The following SGCD variants were observed in gnomAD, a reference collection of about 807,000 sequenced individuals.
SGCD encodes the protein delta-sarcoglycan.
In SGCD, 18 loss-of-function variants were observed where a neutral mutation model predicts 36.6. The ratio of observed to expected loss-of-function variants is 0.49; its 90% CI spans 0.34 to 0.73. The LOEUF (loss-of-function observed/expected upper bound fraction) is 0.73, where lower values mean the gene tolerates loss of function less well. Among genes scored for constraint, SGCD ranks in the 30% least tolerant of loss-of-function variants. SGCD has a pLI of 0.01. For missense variants in SGCD, 387 were observed against 346.7 expected (o/e 1.12, Z -0.92); for synonymous variants, 133 against 130.6 (o/e 1.02, Z -0.12).
At chr5:156,107,470 T>G (rs1254969507) in intron 1 of SGCD, among the ~76,000 whole-genome samples, 1 of 152,176 alleles carries the variant, frequency 6.6e-6, no homozygotes, top group Non-Finnish European at 1.5e-5. Context: ...TCTGTTCCAA[T>G]TCAATAATTC....
the SGCD span, among the ~76,000 whole-genome samples, chr5:155,730,203 A>T: frequency 6.6e-6 from 1 of 151,970 alleles, no homozygotes; most frequent in African/African-American, 2.4e-5. Context: ...TTTCACCTGA[A>T]CTCACCTTTC....
chr5:156,590,982 G>T (rs968848137), intron 5 of SGCD, among the ~76,000 whole-genome samples: 1 of 151,352 alleles, frequency 6.6e-6, no homozygotes. Flanking sequence ...TTTGGTATTT[G>T]TTTTCTGTCT....
intron 3 of SGCD, among the ~76,000 whole-genome samples, chr5:156,423,300 A>ATATATTTTAT: frequency 1.0e-4 from 1 of 9,922 alleles, no homozygotes; most frequent in East Asian, 3.8e-3. Flanking sequence ...TTATAATATA[A>ATATATTTTAT]TATATTTTAT....
Position 155,942,360 on chromosome 5 carries a change from A to ATCTATCTG in SGCD, c.-282+71941_-282+71942insCTGTCTAT, listed in dbSNP as rs1159223438. On this transcript the variant is annotated intron_variant, in intron 1 of 9. Coordinates refer to the SGCD transcript ENST00000517913. ...TATCTATCTATCTATCTATCTATCT[A>ATCTATCTG]TCTATTGTCTGCCTACCTACCTAAT... is the stretch of plus-strand genomic sequence containing the variant. Among the ~76,000 whole-genome samples the ATCTATCTG allele has an allele frequency of 4.6e-5, 7 of 151,782 alleles. No homozygotes were observed. The East Asian group carries it at 1.3e-3, about 29-fold the overall frequency.
intron 3 of SGCD, among the ~76,000 whole-genome samples, chr5:156,427,076 G>T (rs950883721): frequency 2.6e-5 from 4 of 152,068 alleles, no homozygotes; most frequent in Admixed American, 6.6e-5. Context: ...CTGGTTCTGT[G>T]AAGAATGGTG....
chr5:156,401,382 A>G lies in SGCD; in HGVS notation c.192+56705A>G, dbSNP rs559824158. ...ATAAACTTTTCTTAATCCAGACAAC[A>G]TCTTCTGTATTCATTCAACAAGGTA... is the stretch of plus-strand genomic sequence containing the variant. On this transcript the variant is annotated intron_variant, in intron 3 of 8. Coordinates refer to ENST00000337851, the MANE Select transcript of SGCD (RefSeq NM_000337.6). Among the ~76,000 whole-genome samples, 6 of 152,322 alleles carry G rather than the reference A, an allele frequency of 3.9e-5. No homozygotes were observed. In the South Asian group the frequency reaches 1.0e-3, roughly 26 times the overall value.
At chr5:156,076,248 T>C (rs1211561525) in intron 1 of SGCD, among the ~76,000 whole-genome samples, 1 of 152,140 alleles carries the variant, frequency 6.6e-6, no homozygotes, top group Non-Finnish European at 1.5e-5. Context: ...CATGTGTCTT[T>C]ACCTTGATAC....
chr5:156,242,473 G>A (rs979456980), intron 3 of SGCD, among the ~76,000 whole-genome samples: 2 of 152,086 alleles, frequency 1.3e-5, no homozygotes, highest in Admixed American at 6.6e-5. Flanking sequence ...AAAGACCTAC[G>A]CACGTGAGTA....
intron 7 of SGCD, among the ~76,000 whole-genome samples, chr5:156,740,232 A>G (rs141568386): frequency 5.9e-5 from 9 of 152,342 alleles, no homozygotes; most frequent in Non-Finnish European, 1.2e-4. Flanking sequence ...GTCCCATTAC[A>G]TTGATACAGA....
intron 4 of SGCD, among the ~76,000 whole-genome samples, chr5:156,542,699 G>A (rs780377905): frequency 3.3e-5 from 5 of 152,110 alleles, no homozygotes; most frequent in African/African-American, 4.8e-5. Flanking sequence ...TGAGCTGCAC[G>A]ACCAGCATTC....
At chr5:156,323,256 C>G (rs892100298), upstream of SGCD, among the ~76,000 whole-genome samples, 5 of 152,166 alleles carry the variant, frequency 3.3e-5, no homozygotes, top group Non-Finnish European at 5.9e-5. Context: ...TTCCTCCTCT[C>G]TTTGCGTTAG....
intron 1 of SGCD, among the ~76,000 whole-genome samples, chr5:156,328,329 C>G (rs1248625839): frequency 6.6e-6 from 1 of 152,206 alleles, no homozygotes; most frequent in Admixed American, 6.5e-5. Flanking sequence ...CAATCTGTGA[C>G]AACATTGGTT....
At chr5:156,318,768 G>A (rs768036483) in intron 3 of SGCD, among the ~76,000 whole-genome samples, 1 of 152,000 alleles carries the variant, frequency 6.6e-6, no homozygotes, top group Non-Finnish European at 1.5e-5. Flanking sequence ...GCTCAGTTTT[G>A]TATTTTTAGT....
At chr5:155,841,834 T>C in the SGCD span, among the ~76,000 whole-genome samples, 1 of 152,130 alleles carries the variant, frequency 6.6e-6, no homozygotes, top group Non-Finnish European at 1.5e-5. Flanking sequence ...CCCAGATGTG[T>C]TTATGTTATT....
intron 3 of SGCD, among the ~76,000 whole-genome samples, chr5:156,428,848 GGTTC>G (rs1452201990): frequency 1.3e-5 from 2 of 151,862 alleles, no homozygotes; most frequent in Non-Finnish European, 2.9e-5. Context: ...GTTTTTTGTG[GGTTC>G]TATTTGTGGG....
At chr5:156,585,699 T>C (rs1760463664) in intron 4 of SGCD, among the ~76,000 whole-genome samples, 1 of 152,172 alleles carries the variant, frequency 6.6e-6, no homozygotes, top group Non-Finnish European at 1.5e-5. Context: ...AAATATATTT[T>C]GTCTCAGTAT....
At chr5:156,368,551 T>G (rs532352981) in intron 3 of SGCD, among the ~76,000 whole-genome samples, 3 of 152,310 alleles carry the variant, frequency 2.0e-5, no homozygotes, top group East Asian at 1.9e-4. Flanking sequence ...TGTAGCTTCA[T>G]TTTTTTAAAT....
chr5:155,982,424 G>T lies in SGCD; in HGVS notation c.-282+112000G>T, dbSNP rs564311070. 4.6e-5 allele frequency among the ~76,000 whole-genome samples: 7 copies of T among 152,260 alleles called. No homozygotes were observed. The South Asian group carries it at 8.3e-4, about 18-fold the overall frequency. On this transcript the variant is annotated intron_variant, in intron 1 of 9. Coordinates refer to the SGCD transcript ENST00000517913. ...CAGTATATTTTAGCTTTCTGTGAAT[G>T]AACTCAACATAAATCCATTTGGACT... is the stretch of plus-strand genomic sequence containing the variant.
At chr5:156,122,260 G>A (rs1389390547) in intron 2 of SGCD, among the ~76,000 whole-genome samples, 1 of 152,140 alleles carries the variant, frequency 6.6e-6, no homozygotes, top group Non-Finnish European at 1.5e-5. Context: ...TATCAGTGAA[G>A]TGAAGTGCTG....
Sources: allele counts gnomAD v4.1 joint callset (sites outside exome capture counted in the v4.1 genomes callset), GRCh38; gene constraint gnomAD v4.1.1; transcripts MANE v1.5; gene names NCBI Gene and HGNC (gene_info 2026-07-23, HGNC 2026-07-21).